LGSN: variants seen among roughly 807,000 people sequenced by gnomAD.
The protein encoded by LGSN is lengsin, lens protein with glutamine synthetase domain.
LGSN carries 21 observed loss-of-function variants against 19.5 expected under a neutral mutation model. That is an observed-to-expected ratio of 1.07 (90% confidence interval 0.76 to 1.55). The LOEUF is 1.55. Among genes scored for constraint, LGSN ranks in the 40% most tolerant of loss-of-function variants. LGSN has a pLI of 0.00. For synonymous variants in LGSN, 257 were observed against 215.6 expected, an observed-to-expected ratio of 1.19 and a Z score of -1.68; for missense variants, 673 against 608.5, an observed-to-expected ratio of 1.11 and a Z score of -1.12.
chr6:63,436,881 C>CA, the LGSN span, among the ~76,000 whole-genome samples: 70,870 of 151,342 alleles, frequency 0.47, 17,724 homozygotes, highest in Middle Eastern at 0.53. Flanking sequence ...ACCAAAAATA[C>CA]AAAAAAATAG....
the LGSN span, among the ~76,000 whole-genome samples, chr6:63,389,612 A>T: frequency 6.6e-6 from 1 of 152,308 alleles, no homozygotes; most frequent in South Asian, 2.1e-4. Flanking sequence ...GTTTCACTTA[A>T]ATCTTATCTG....
intron 1 of LGSN, among the ~76,000 whole-genome samples, chr6:63,304,450 A>G (rs1768302453): frequency 1.3e-5 from 2 of 152,200 alleles, no homozygotes; most frequent in African/African-American, 4.8e-5. Flanking sequence ...ATTGCTCTAG[A>G]TTACCTACAG....
the LGSN span, among the ~76,000 whole-genome samples, chr6:63,520,663 A>G: frequency 6.6e-6 from 1 of 151,180 alleles, no homozygotes; most frequent in Non-Finnish European, 1.5e-5. Flanking sequence ...ATAAATAAAT[A>G]AATAAATAAA....
At chr6:63,411,494 T>A in the LGSN span, among the ~76,000 whole-genome samples, 1 of 152,144 alleles carries the variant, frequency 6.6e-6, no homozygotes, top group Non-Finnish European at 1.5e-5. Flanking sequence ...GCTCACACTA[T>A]TAATGGTAAT....
At chr6:63,424,051 G>A in the LGSN span, among the ~76,000 whole-genome samples, 2 of 151,694 alleles carry the variant, frequency 1.3e-5, no homozygotes, top group Non-Finnish European at 2.9e-5. Flanking sequence ...AAAGCAAAAC[G>A]AAAGAAAGAA....
chr6:63,436,371 G>C, the LGSN span, among the ~76,000 whole-genome samples: 4 of 152,112 alleles, frequency 2.6e-5, no homozygotes, highest in Admixed American at 6.5e-5. Context: ...AAAGTGCTGG[G>C]ATTATAGGCA....
At chr6:63,292,139 T>G (rs1380112348) in intron 2 of LGSN, among the ~76,000 whole-genome samples, 1 of 152,154 alleles carries the variant, frequency 6.6e-6, no homozygotes, top group African/African-American at 2.4e-5. Context: ...CTCAACAATC[T>G]GAATGAACTT....
chr6:63,383,762 C>A, the LGSN span, among the ~76,000 whole-genome samples: 1 of 151,892 alleles, frequency 6.6e-6, no homozygotes, highest in African/African-American at 2.4e-5. Flanking sequence ...CTTATTTAAT[C>A]CTCCAAATCT....
chr6:63,441,829 T>G, the LGSN span: 1 of 307,092 alleles, frequency 3.3e-6, no homozygotes, highest in Non-Finnish European at 6.3e-6. Flanking sequence ...TGCTGCTTTG[T>G]GCAGCGGGGG....
chr6:63,415,946 G>A, the LGSN span, among the ~76,000 whole-genome samples: 2 of 151,986 alleles, frequency 1.3e-5, no homozygotes, highest in Non-Finnish European at 2.9e-5. Context: ...TTGGGAGGAG[G>A]CCATTCATTG....
chr6:63,557,731 A>G, the LGSN span, among the ~76,000 whole-genome samples: 1 of 152,170 alleles, frequency 6.6e-6, no homozygotes, highest in Non-Finnish European at 1.5e-5. Context: ...AATGGAGTGG[A>G]GCACGAGGTA....
the LGSN span, among the ~76,000 whole-genome samples, chr6:63,432,414 G>A: frequency 1.3e-5 from 2 of 152,108 alleles, no homozygotes; most frequent in Admixed American, 1.3e-4. Flanking sequence ...TTTCTAGGCT[G>A]AGCGTGGTGG....
chr6:63,453,213 T>C, the LGSN span, among the ~76,000 whole-genome samples: 1 of 152,186 alleles, frequency 6.6e-6, no homozygotes, highest in Non-Finnish European at 1.5e-5. Flanking sequence ...GCCTGGAATA[T>C]GGTCTATCTT....
At chr6:63,450,128 C>T in the LGSN span, among the ~76,000 whole-genome samples, 1 of 144,370 alleles carries the variant, frequency 6.9e-6, no homozygotes, top group African/African-American at 2.5e-5. Flanking sequence ...GGGTGGATCA[C>T]ATGAGGTCAG....
the LGSN span, among the ~76,000 whole-genome samples, chr6:63,407,618 A>G: frequency 6.6e-6 from 1 of 152,330 alleles, no homozygotes; most frequent in African/African-American, 2.4e-5. Flanking sequence ...GAAAACCGGC[A>G]CAAGACAGGG....
chr6:63,566,544 G>A, the LGSN span, among the ~76,000 whole-genome samples: 2 of 152,162 alleles, frequency 1.3e-5, no homozygotes, highest in Non-Finnish European at 1.5e-5. Flanking sequence ...AGGAAGTGGG[G>A]AAAACGGGTA....
the LGSN span, among the ~76,000 whole-genome samples, chr6:63,556,275 C>T: frequency 6.6e-6 from 1 of 152,146 alleles, no homozygotes; most frequent in Non-Finnish European, 1.5e-5. Flanking sequence ...CCTCCTGCCT[C>T]AGCCTCCAGA....
the LGSN span, among the ~76,000 whole-genome samples, chr6:63,346,149 G>T: frequency 0.033 from 5,032 of 151,590 alleles, 281 homozygotes; most frequent in African/African-American, 0.12. Context: ...TTCTAATAAG[G>T]TCTTTGACAC....
At chr6:63,407,469 A>G in the LGSN span, among the ~76,000 whole-genome samples, 1 of 152,222 alleles carries the variant, frequency 6.6e-6, no homozygotes, top group Non-Finnish European at 1.5e-5. Flanking sequence ...ACCTTTGACA[A>G]AATTCAACAG....
Sources: gnomAD v4.1 joint callset for allele counts (sites outside exome capture counted in the v4.1 genomes callset) on GRCh38, gnomAD v4.1.1 for gene constraint, MANE v1.5 for transcripts, NCBI Gene and HGNC (gene_info 2026-07-23, HGNC 2026-07-21) for gene names.